The following SMOC2 variants were observed in gnomAD, a reference collection of about 807,000 sequenced individuals.
The protein encoded by SMOC2 is SPARC related modular calcium binding 2, also known as SPARC-related modular calcium-binding protein 2.
Under a neutral mutation model 61.4 loss-of-function variants are expected in SMOC2, and 39 were observed. The observed-to-expected ratio is 0.64, with a 90% CI of 0.49 to 0.83. SMOC2 has a LOEUF of 0.83. Ranked by LOEUF, SMOC2 falls within the 40% of genes least tolerant of loss-of-function variation. The pLI, the probability that SMOC2 is intolerant of heterozygous loss-of-function variation, is 0.00. For synonymous variants in SMOC2, 247 were observed against 239.9 expected (o/e 1.03, Z -0.27); for missense variants, 556 against 592.9 (o/e 0.94, Z 0.65).
intron 7 of SMOC2, among the ~76,000 whole-genome samples, chr6:168,572,961 T>C (rs1211630850): frequency 2.1e-4 from 13 of 61,334 alleles, no homozygotes; most frequent in South Asian, 7.9e-4. Context: ...TGCGTGCTCC[T>C]TGGACGCGAT....
rs1424243364 is a variant in SMOC2 at position 168,535,603 on chromosome 6, A to G, written c.463+7876A>G. Among the ~76,000 whole-genome samples, 2 of 152,216 alleles carry G rather than the reference A, an allele frequency of 1.3e-5. No homozygotes were observed. Among genetic ancestry groups the G allele is most frequent in the Non-Finnish European group, 2.9e-5 (2 of 68,034 alleles). ...TAGGATAGAAAAAGACCCACGAAGC[A>G]TAAAAGCCGGTGCCACAAAGTCCAC... is the stretch of plus-strand genomic sequence containing the variant. On this transcript the variant is annotated intron_variant, in intron 4 of 12. Transcript: ENST00000356284. The surrounding 1 kb of genome is among the most constrained non-coding windows in gnomAD (Gnocchi z 4.6).
chr6:168,623,618 G>C (rs1786305518), intron 9 of SMOC2, among the ~76,000 whole-genome samples: 1 of 145,304 alleles, frequency 6.9e-6, no homozygotes, highest in African/African-American at 2.4e-5. Flanking sequence ...TTACAGGCGT[G>C]AGCCACCACA....
At chr6:168,521,837 T>C (rs528604237) in intron 2 of SMOC2, among the ~76,000 whole-genome samples, 78 of 152,334 alleles carry the variant, frequency 5.1e-4, no homozygotes, top group African/African-American at 1.8e-3. Flanking sequence ...ATGGCACCAC[T>C]GCCCTCCAGC....
At chr6:168,441,610 G>A (rs1781210614) in intron 1 of SMOC2, among the ~76,000 whole-genome samples, 156 bp downstream of exon 1, 2 of 152,104 alleles carry the variant, frequency 1.3e-5, no homozygotes, top group African/African-American at 4.8e-5. Flanking sequence ...GGCGAGGCTG[G>A]AGCAGGTAGG....
At chr6:168,623,380 G>T (rs1168698907) in intron 9 of SMOC2, among the ~76,000 whole-genome samples, 1 of 147,186 alleles carries the variant, frequency 6.8e-6, no homozygotes, top group African/African-American at 2.5e-5. Context: ...ACCCAGGCTG[G>T]AGTTCAGTGA....
At chr6:168,640,372 C>T (rs940597442) in intron 9 of SMOC2, among the ~76,000 whole-genome samples, 4 of 152,000 alleles carry the variant, frequency 2.6e-5, no homozygotes, top group Admixed American at 1.3e-4. Context: ...GGGCAGGCTG[C>T]GGCGGGGGGC....
chr6:168,662,774 C>G (rs1157342260), intron 11 of SMOC2, among the ~76,000 whole-genome samples: 1 of 152,144 alleles, frequency 6.6e-6, no homozygotes, highest in Non-Finnish European at 1.5e-5. Context: ...GTGTCGGGCT[C>G]TGGATAGACT....
At chr6:168,527,557 G>C (rs1318488419) in intron 3 of SMOC2, 71 bp from the exon 4 acceptor site, 1 of 1,100,444 alleles carries the variant, frequency 9.1e-7, no homozygotes, top group African/African-American at 1.6e-5. Flanking sequence ...AGAAAGCAGA[G>C]TGGGCCTCGC....
Position 168,664,446 on chromosome 6 carries a change from G to T in SMOC2, c.1323+335G>T, listed in dbSNP as rs9364271. 1.5e-5 allele frequency: 6 copies of T among 406,854 alleles called. No individual in the cohort carries two copies. The East Asian group carries it at 3.6e-4, about 24-fold the overall frequency. The allele number at this position is 406,854 out of a possible 1,614,324, so 25.2% of individuals were successfully genotyped here. Reference sequence around the variant, plus strand: ...GAAGGGGTTCTGCCATGTTGCCCAGGCTAGTTTCGAACTCACAGGCTCAAG... The same window carrying T: ...GAAGGGGTTCTGCCATGTTGCCCAGTCTAGTTTCGAACTCACAGGCTCAAG... On this transcript the variant is annotated intron_variant, in intron 12 of 12. Transcript: ENST00000356284.
intron 2 of SMOC2, among the ~76,000 whole-genome samples, chr6:168,520,657 A>G (rs150179473): frequency 6.6e-6 from 1 of 152,338 alleles, no homozygotes; most frequent in African/African-American, 2.4e-5. Flanking sequence ...CTGTGTCCCA[A>G]AGTTCTCTGC....
intron 1 of SMOC2, among the ~76,000 whole-genome samples, chr6:168,466,504 G>A (rs985668867): frequency 1.3e-5 from 2 of 152,226 alleles, no homozygotes; most frequent in African/African-American, 4.8e-5. Context: ...CAGCATTGGA[G>A]GGGGCATTCA....
intron 7 of SMOC2, among the ~76,000 whole-genome samples, chr6:168,578,899 T>G (rs1784865792): frequency 6.6e-6 from 1 of 152,194 alleles, no homozygotes; most frequent in Admixed American, 6.5e-5. Context: ...TAAAATGAAA[T>G]GCAGCATTCC....
intron 2 of SMOC2, among the ~76,000 whole-genome samples, chr6:168,517,400 C>T (rs1349757549): frequency 6.6e-6 from 1 of 152,236 alleles, no homozygotes; most frequent in African/African-American, 2.4e-5. Flanking sequence ...GAACAGCGGG[C>T]AGCAGTGTCT....
At chr6:168,451,625 CT>C (rs1562536006) in intron 1 of SMOC2, among the ~76,000 whole-genome samples, 44 of 151,628 alleles carry the variant, frequency 2.9e-4, no homozygotes, top group Non-Finnish European at 5.0e-4. Flanking sequence ...CTCTCTCTCT[CT>C]CTCCCTCCCT....
chr6:168,514,612 A>G (rs1300020057), intron 2 of SMOC2, among the ~76,000 whole-genome samples: 2 of 152,238 alleles, frequency 1.3e-5, no homozygotes, highest in African/African-American at 4.8e-5. Flanking sequence ...CAATTTAAGA[A>G]TAAATTTAAA....
chr6:168,560,509 GC>G (rs1784381424), intron 7 of SMOC2, among the ~76,000 whole-genome samples: 3 of 146,538 alleles, frequency 2.0e-5, no homozygotes, highest in African/African-American at 7.5e-5. Context: ...GAGATGTGAG[GC>G]TCTCACTGCG....
At chr6:168,545,919 A>C (rs193018131) in intron 5 of SMOC2, among the ~76,000 whole-genome samples, 5 of 152,350 alleles carry the variant, frequency 3.3e-5, no homozygotes, top group African/African-American at 1.2e-4. Flanking sequence ...TCTTGGAAGA[A>C]GATTGTAAAA....
chr6:168,485,099 TTTATG>T (rs1341445043), intron 1 of SMOC2, among the ~76,000 whole-genome samples: 6 of 152,174 alleles, frequency 3.9e-5, no homozygotes, highest in Admixed American at 3.3e-4. Context: ...GATGGTACAT[TTTATG>T]TTATATGTAT....
At chr6:168,461,385 C>T (rs1226921764) in intron 1 of SMOC2, among the ~76,000 whole-genome samples, 1 of 152,152 alleles carries the variant, frequency 6.6e-6, no homozygotes, top group African/African-American at 2.4e-5. Context: ...AAATTTACTT[C>T]ATTTTTCAAT....
Sources: gnomAD v4.1 joint callset for allele counts (sites outside exome capture counted in the v4.1 genomes callset) on GRCh38, gnomAD v4.1.1 for gene constraint, Gnocchi (gnomAD v3.1) non-coding constraint, MANE v1.5 for transcripts, NCBI Gene and HGNC (gene_info 2026-07-23, HGNC 2026-07-21) for gene names.